Variants in MSANTD5 observed in about 807,000 individuals in gnomAD.
MSANTD5 encodes the protein Myb/SANT DNA binding domain containing 5, also known as uncharacterized protein MSANTD5.
At chr5:178,692,241 A>G (rs6890214), downstream of MSANTD5, among the ~76,000 whole-genome samples, 1,722 of 85,736 alleles carry the variant, frequency 0.02, 355 homozygotes, top group Non-Finnish European at 0.034. Context: ...TTAGCTAGGC[A>G]TGGTGGCAGG....
At chr5:178,701,128 C>T (rs1033314247), upstream of MSANTD5, among the ~76,000 whole-genome samples, 11 of 152,248 alleles carry the variant, frequency 7.2e-5, no homozygotes, top group Admixed American at 2.0e-4. Context: ...CGCCCGCCAC[C>T]ACGCCCGGCT....
At chr5:178,697,918 C>T (rs1581734017), upstream of MSANTD5, among the ~76,000 whole-genome samples, 1 of 152,334 alleles carries the variant, frequency 6.6e-6, no homozygotes, top group Middle Eastern at 3.4e-3. Flanking sequence ...GATTGAATAA[C>T]TGCAACAGGG....
chr5:178,701,037 G>A (rs1288651195), upstream of MSANTD5, among the ~76,000 whole-genome samples: 2 of 152,124 alleles, frequency 1.3e-5, no homozygotes, highest in Non-Finnish European at 2.9e-5. Flanking sequence ...GCAGTGGCGC[G>A]ATCTCGGCTC....
chr5:178,695,501 A>G (rs1765402539), exon 3 of MSANTD5: 1 of 152,044 alleles, frequency 6.6e-6, no homozygotes, highest in South Asian at 2.1e-4. Flanking sequence ...ATACTATGTG[A>G]TACTTCTTCT....
chr5:178,701,515 A>T (rs924651120), upstream of MSANTD5, among the ~76,000 whole-genome samples: 2 of 151,054 alleles, frequency 1.3e-5, no homozygotes, highest in Admixed American at 6.6e-5. Context: ...AAATATATAT[A>T]TTTTTAATTA....
At chr5:178,692,603 A>G (rs774795374), downstream of MSANTD5, among the ~76,000 whole-genome samples, 4 of 152,032 alleles carry the variant, frequency 2.6e-5, no homozygotes, top group Non-Finnish European at 5.9e-5. Context: ...ACTACATGGC[A>G]AGAAAAAGGA....
downstream of MSANTD5, among the ~76,000 whole-genome samples, chr5:178,692,574 T>C (rs1466785554): frequency 6.6e-6 from 1 of 151,976 alleles, no homozygotes; most frequent in Non-Finnish European, 1.5e-5. Flanking sequence ...CAGCTTCTTC[T>C]ACATCCACCC....
the MSANTD5 span, among the ~76,000 whole-genome samples, chr5:178,704,387 A>G: frequency 6.6e-6 from 1 of 152,166 alleles, no homozygotes; most frequent in African/African-American, 2.4e-5. Flanking sequence ...CAGGAGTCCA[A>G]AGAGAGCTTG....
chr5:178,704,869 G>A, the MSANTD5 span, among the ~76,000 whole-genome samples: 1 of 152,296 alleles, frequency 6.6e-6, no homozygotes, highest in East Asian at 1.9e-4. Context: ...TGGAAGGAGA[G>A]GCAGGCACAG....
chr5:178,697,628 T>G (rs1404033841), exon 1 of MSANTD5: 1 of 152,330 alleles, frequency 6.6e-6, no homozygotes. Flanking sequence ...GTCTTCTCAC[T>G]GTGCCTGCAG....
upstream of MSANTD5, among the ~76,000 whole-genome samples, chr5:178,702,389 C>T (rs1765498614): frequency 6.6e-6 from 1 of 151,072 alleles, no homozygotes; most frequent in Non-Finnish European, 1.5e-5. Flanking sequence ...CAACCTCCGC[C>T]TCCTGGGTTC....
At chr5:178,707,147 T>C in the MSANTD5 span, 1 of 152,160 alleles carries the variant, frequency 6.6e-6, no homozygotes, top group South Asian at 2.1e-4. Flanking sequence ...TAGTTGAAAC[T>C]GGGGGTTCCA....
At chr5:178,701,153 T>G (rs1765478331), upstream of MSANTD5, among the ~76,000 whole-genome samples, 1 of 151,984 alleles carries the variant, frequency 6.6e-6, no homozygotes, top group Admixed American at 6.6e-5. Context: ...TTTTTTGTAT[T>G]TTTTTAGTAG....
At chr5:178,705,826 G>A in the MSANTD5 span, among the ~76,000 whole-genome samples, 1 of 152,082 alleles carries the variant, frequency 6.6e-6, no homozygotes, top group African/African-American at 2.4e-5. Context: ...GCGTGGTGGT[G>A]GGCGCCTGTA....
the MSANTD5 span, among the ~76,000 whole-genome samples, chr5:178,706,671 TCCTC>T: frequency 2.0e-5 from 3 of 151,156 alleles, no homozygotes; most frequent in Non-Finnish European, 4.4e-5. Context: ...GGAATGTCCT[TCCTC>T]CAGCTAGCAT....
chr5:178,697,429 G>T (rs1483733773), intron 1 of MSANTD5, among the ~76,000 whole-genome samples, 157 bp downstream of exon 1: 1 of 152,164 alleles, frequency 6.6e-6, no homozygotes, highest in Non-Finnish European at 1.5e-5. Flanking sequence ...ACTCCAGCCT[G>T]GGCGACAGAG....
upstream of MSANTD5, among the ~76,000 whole-genome samples, chr5:178,702,023 G>A (rs1394521851): frequency 2.7e-5 from 4 of 150,066 alleles, no homozygotes; most frequent in East Asian, 2.0e-4. Context: ...GTGAGCCACC[G>A]CGCCCGGCCG....
chr5:178,701,546 C>T (rs1307604533), upstream of MSANTD5, among the ~76,000 whole-genome samples: 2 of 151,040 alleles, frequency 1.3e-5, no homozygotes, highest in African/African-American at 4.9e-5. Flanking sequence ...GTGGTGCATG[C>T]AGGTAATCCC....
chr5:178,701,358 A>ATGAT (rs1214163967), upstream of MSANTD5, among the ~76,000 whole-genome samples: 1 of 151,982 alleles, frequency 6.6e-6, no homozygotes, highest in African/African-American at 2.4e-5. Flanking sequence ...AAATTAATAT[A>ATGAT]TGATTAATTT....
Sources: allele counts gnomAD v4.1 joint callset (sites outside exome capture counted in the v4.1 genomes callset), GRCh38; gene constraint gnomAD v4.1.1; transcripts MANE v1.5; gene names NCBI Gene and HGNC (gene_info 2026-07-23, HGNC 2026-07-21).